Variants in OPCML observed in about 807,000 individuals in gnomAD.
OPCML encodes the protein opioid binding protein/cell adhesion molecule like.
A neutral mutation model predicts 37.8 loss-of-function variants in OPCML; 13 were observed. The observed-to-expected ratio is 0.34, with a 90% CI of 0.22 to 0.55. The LOEUF (loss-of-function observed/expected upper bound fraction) is 0.55. Ranked by LOEUF, OPCML falls within the 20% of genes least tolerant of loss-of-function variation. The pLI is 0.91. For missense variants in OPCML, 341 were observed against 435.6 expected (o/e 0.78, Z 1.93); for synonymous variants, 176 against 168.8 (o/e 1.04, Z -0.33).
At chr11:133,021,490 A>G (rs1329566796) in intron 1 of OPCML, among the ~76,000 whole-genome samples, 2 of 152,098 alleles carry the variant, frequency 1.3e-5, no homozygotes, top group Non-Finnish European at 2.9e-5. Flanking sequence ...GGTTGTACGT[A>G]AGGCTTTCTC....
At chr11:132,769,268 C>T (rs1156887860) in intron 2 of OPCML, among the ~76,000 whole-genome samples, 4 of 147,388 alleles carry the variant, frequency 2.7e-5, no homozygotes, top group Admixed American at 1.4e-4. Flanking sequence ...GACGGAGTCT[C>T]GCTCTGTTGC....
At chr11:132,648,386 A>AT (rs899035102) in intron 3 of OPCML, among the ~76,000 whole-genome samples, 4 of 152,222 alleles carry the variant, frequency 2.6e-5, no homozygotes, top group Admixed American at 1.3e-4. Context: ...TCAGCAGAAC[A>AT]TAACAGGCAT....
intron 1 of OPCML, among the ~76,000 whole-genome samples, chr11:133,014,571 C>T (rs543193178): frequency 1.3e-5 from 2 of 152,170 alleles, no homozygotes; most frequent in South Asian, 2.1e-4. Context: ...AGGCTGTGGC[C>T]GAGACTGTAT....
chr11:132,891,481 A>T (rs909062813), intron 2 of OPCML, among the ~76,000 whole-genome samples: 1 of 152,242 alleles, frequency 6.6e-6, no homozygotes, highest in African/African-American at 2.4e-5. Flanking sequence ...AATATTTAAA[A>T]TTCAGTTTGC....
At chr11:133,249,677 C>T (rs1245919376) in intron 1 of OPCML, among the ~76,000 whole-genome samples, 1 of 152,148 alleles carries the variant, frequency 6.6e-6, no homozygotes, top group Non-Finnish European at 1.5e-5. Context: ...TTTCAAACTT[C>T]ATCTGCCAGA....
chr11:132,687,669 A>G (rs1286577288), intron 2 of OPCML, among the ~76,000 whole-genome samples: 2 of 151,910 alleles, frequency 1.3e-5, no homozygotes, highest in Non-Finnish European at 2.9e-5. Flanking sequence ...CTGAGGTCAT[A>G]TCATAGCATT....
chr11:132,454,977 A>G (rs1233216285), intron 4 of OPCML, among the ~76,000 whole-genome samples: 1 of 152,186 alleles, frequency 6.6e-6, no homozygotes, highest in Non-Finnish European at 1.5e-5. Context: ...TTTTCCTGTG[A>G]GACATTTGTA....
At chr11:132,434,272 G>A (rs909878860) in intron 7 of OPCML, among the ~76,000 whole-genome samples, 6 of 152,170 alleles carry the variant, frequency 3.9e-5, no homozygotes, top group African/African-American at 1.4e-4. Context: ...GATAGTTGAG[G>A]AGCTGATTTC....
At chr11:132,700,545 G>T (rs534150702) in intron 2 of OPCML, among the ~76,000 whole-genome samples, 3 of 152,010 alleles carry the variant, frequency 2.0e-5, no homozygotes, top group Non-Finnish European at 4.4e-5. Context: ...TTGACCCCTC[G>T]TGGTTCAGTA....
chr11:132,792,630 G>A (rs2725462), intron 2 of OPCML, among the ~76,000 whole-genome samples: 4,028 of 152,248 alleles, frequency 0.026, 88 homozygotes, highest in Non-Finnish European at 0.043. Context: ...GGCTTGGGAA[G>A]TGTGAAGGAG....
intron 2 of OPCML, among the ~76,000 whole-genome samples, chr11:132,669,639 C>A (rs1194458907): frequency 6.6e-6 from 1 of 152,210 alleles, no homozygotes; most frequent in East Asian, 1.9e-4. Context: ...TTTATGTCCA[C>A]CTTCTTCCAT....
At chr11:132,829,172 A>T (rs1197403590) in intron 2 of OPCML, among the ~76,000 whole-genome samples, 1 of 152,206 alleles carries the variant, frequency 6.6e-6, no homozygotes, top group African/African-American at 2.4e-5. Flanking sequence ...GTTTATGCTA[A>T]CCCAAGTATA....
Position 133,397,202 on chromosome 11 carries a change from G to C in OPCML, c.61+135062C>G, listed in dbSNP as rs115236416. 6.7e-3 allele frequency among the ~76,000 whole-genome samples: 1,026 copies of C among 152,280 alleles called. 13 individuals are homozygous for C. Among genetic ancestry groups the C allele is most frequent in the African/African-American group, 0.024 (999 of 41,546 alleles). On this transcript the variant is annotated intron_variant, in intron 1 of 7. Coordinates refer to ENST00000524381, the MANE Select transcript of OPCML (RefSeq NM_001012393.5). ...ATAAAAATGTAGGCAGTCTTCCCCA[G>C]TTGGGCTGGATCTTCCAAGAGAATG...
At chr11:132,829,877 A>C (rs1940584677) in intron 2 of OPCML, among the ~76,000 whole-genome samples, 1 of 152,104 alleles carries the variant, frequency 6.6e-6, no homozygotes, top group South Asian at 2.1e-4. Context: ...ACATCTCTCT[A>C]TACTTGTTAT....
intron 2 of OPCML, among the ~76,000 whole-genome samples, chr11:132,718,782 T>G (rs963952306): frequency 7.9e-5 from 12 of 152,086 alleles, no homozygotes; most frequent in African/African-American, 2.4e-4. Context: ...AGCCCCAGGT[T>G]TCAGGAAAGG....
intron 1 of OPCML, among the ~76,000 whole-genome samples, chr11:133,135,662 G>A (rs1055114767): frequency 6.6e-6 from 1 of 152,126 alleles, no homozygotes; most frequent in Non-Finnish European, 1.5e-5. Context: ...TAGGGCAGAA[G>A]ACTCCCAAAA....
At chr11:132,716,915 A>C (rs531440973) in intron 2 of OPCML, among the ~76,000 whole-genome samples, 1 of 152,326 alleles carries the variant, frequency 6.6e-6, no homozygotes, top group East Asian at 1.9e-4. Flanking sequence ...ATCCCAATAG[A>C]AAAATGGATA....
At chr11:133,488,215 A>G (rs7129716) in intron 1 of OPCML, among the ~76,000 whole-genome samples, 61,906 of 151,896 alleles carry the variant, frequency 0.41, 16,572 homozygotes, top group African/African-American at 0.76. Flanking sequence ...AGACAAAGAT[A>G]CCCACTTTTA....
chr11:133,040,645 C>T (rs1485181025), intron 1 of OPCML, among the ~76,000 whole-genome samples: 1 of 152,100 alleles, frequency 6.6e-6, no homozygotes, highest in Non-Finnish European at 1.5e-5. Flanking sequence ...AGGACATCGT[C>T]CAGGCCTGTG....
Sources: allele counts gnomAD v4.1 joint callset (sites outside exome capture counted in the v4.1 genomes callset), GRCh38; gene constraint gnomAD v4.1.1; transcripts MANE v1.5; gene names NCBI Gene and HGNC (gene_info 2026-07-23, HGNC 2026-07-21).